The following NFIA variants were observed in gnomAD, a reference collection of about 807,000 sequenced individuals.
The protein encoded by NFIA is nuclear factor 1 A-type.
In NFIA, 8 loss-of-function variants were observed where a neutral mutation model predicts 62.8. The ratio of observed to expected loss-of-function variants is 0.13; its 90% confidence interval spans 0.07 to 0.23. The LOEUF (loss-of-function observed/expected upper bound fraction) is 0.23. NFIA is among the 10% of genes least tolerant of loss of function. The probability of loss-of-function intolerance (pLI) is 1.00; values close to 1 mark genes in which losing one functional copy is unlikely to be tolerated. For missense variants in NFIA, 410 were observed against 642.1 expected (o/e 0.64, Z 3.91); for synonymous variants, 235 against 238.1 (o/e 0.99, Z 0.12).
chr1:61,126,438 AC>A (rs1294421262), intron 2 of NFIA, among the ~76,000 whole-genome samples: 1 of 56,348 alleles, frequency 1.8e-5, no homozygotes, highest in Non-Finnish European at 3.4e-5. Context: ...TTGAAAATGA[AC>A]ACACACACAC....
intron 2 of NFIA, among the ~76,000 whole-genome samples, chr1:61,115,455 G>T (rs763186734): frequency 2.6e-5 from 4 of 152,210 alleles, no homozygotes; most frequent in Non-Finnish European, 5.9e-5. Context: ...GATTTACTTG[G>T]CCAGGGAGAG....
intron 7 of NFIA, among the ~76,000 whole-genome samples, chr1:61,394,423 T>G (rs4518936): frequency 0.082 from 12,498 of 152,248 alleles, 1,475 homozygotes; most frequent in African/African-American, 0.26. Context: ...TCTGCCTGCC[T>G]TAGCCTCCCA....
At chr1:61,083,725 C>G (rs1346246679) in intron 1 of NFIA, among the ~76,000 whole-genome samples, 3 of 151,394 alleles carry the variant, frequency 2.0e-5, no homozygotes, top group Non-Finnish European at 4.4e-5. Flanking sequence ...AGCCGGGAGC[C>G]GGAGCGGCGG....
intron 2 of NFIA, among the ~76,000 whole-genome samples, chr1:61,185,339 T>G (rs868618457): frequency 6.6e-6 from 1 of 152,204 alleles, no homozygotes; most frequent in Non-Finnish European, 1.5e-5. Flanking sequence ...TTTCTAGTTT[T>G]TATGTGGAAA....
chr1:61,198,924 C>G (rs1005026423), intron 2 of NFIA, among the ~76,000 whole-genome samples: 1 of 152,212 alleles, frequency 6.6e-6, no homozygotes, highest in Non-Finnish European at 1.5e-5. Context: ...GCTTGCCCCC[C>G]TCCTTCATCA....
chr1:61,424,351 C>T (rs1166099837), intron 9 of NFIA, among the ~76,000 whole-genome samples: 1 of 151,380 alleles, frequency 6.6e-6, no homozygotes, highest in Non-Finnish European at 1.5e-5. Context: ...ACCCCCCCCT[C>T]AACCCCCAGA....
intron 10 of NFIA, among the ~76,000 whole-genome samples, chr1:61,426,764 G>A (rs980382889): frequency 3.3e-5 from 5 of 152,124 alleles, no homozygotes; most frequent in Admixed American, 2.6e-4. Flanking sequence ...TGAGTGGGTA[G>A]AAGAAGAACT....
intron 3 of NFIA, among the ~76,000 whole-genome samples, chr1:61,292,934 C>T (rs920992303): frequency 6.6e-6 from 1 of 152,168 alleles, no homozygotes; most frequent in African/African-American, 2.4e-5. Context: ...TCGTGCAATG[C>T]TCTTTTCCAT....
intron 7 of NFIA, among the ~76,000 whole-genome samples, chr1:61,397,897 A>C (rs1665360053): frequency 6.6e-6 from 1 of 152,246 alleles, no homozygotes; most frequent in South Asian, 2.1e-4. Flanking sequence ...TGGTGAAGAC[A>C]GACAATCAAA....
chr1:61,371,914 G>A (rs1461475366), intron 6 of NFIA, among the ~76,000 whole-genome samples: 1 of 152,118 alleles, frequency 6.6e-6, no homozygotes, highest in Non-Finnish European at 1.5e-5. Context: ...TTCCTCACAA[G>A]TGCTGGATAA....
chr1:61,217,019 A>G (rs1285664477), intron 2 of NFIA, among the ~76,000 whole-genome samples: 1 of 151,676 alleles, frequency 6.6e-6, no homozygotes, highest in East Asian at 1.9e-4. Context: ...TAATTAATTA[A>G]TTAATAAAAA....
At chr1:61,089,701 T>TTTTTTTTTTC (rs1553149381) in intron 2 of NFIA, among the ~76,000 whole-genome samples, 4 of 149,942 alleles carry the variant, frequency 2.7e-5, no homozygotes, top group African/African-American at 9.9e-5. Context: ...TTTTCTTTTT[T>TTTTTTTTTTC]TTTTTTTTTT....
At chr1:61,240,311 C>G (rs1318259943) in intron 2 of NFIA, among the ~76,000 whole-genome samples, 1 of 151,982 alleles carries the variant, frequency 6.6e-6, no homozygotes, top group African/African-American at 2.4e-5. Context: ...AACTAGAATA[C>G]AAGTCAGGTA....
intron 1 of NFIA, among the ~76,000 whole-genome samples, chr1:61,083,909 C>T (rs1646170716): frequency 6.6e-6 from 1 of 152,098 alleles, no homozygotes; most frequent in Non-Finnish European, 1.5e-5. Context: ...CCTGTCCATT[C>T]CTCCCTTGTC....
chr1:61,334,425 A>G (rs1340771594), intron 4 of NFIA, among the ~76,000 whole-genome samples: 2 of 151,354 alleles, frequency 1.3e-5, no homozygotes, highest in South Asian at 2.1e-4. Context: ...GCATCTGTAT[A>G]TATCTTTTTT....
At chr1:61,160,945 C>T (rs139915958) in intron 2 of NFIA, among the ~76,000 whole-genome samples, 1 of 152,286 alleles carries the variant, frequency 6.6e-6, no homozygotes, top group East Asian at 1.9e-4. Flanking sequence ...GACAGAGCCT[C>T]ACTCTGTTGT....
intron 2 of NFIA, among the ~76,000 whole-genome samples, chr1:61,196,693 T>C (rs1652023161): frequency 2.0e-5 from 3 of 152,232 alleles, no homozygotes; most frequent in Admixed American, 2.0e-4. Context: ...GTGTAAATTC[T>C]AGTATCTGTA....
At chr1:61,313,511 C>T (rs1432092178) in intron 3 of NFIA, among the ~76,000 whole-genome samples, 1 of 152,160 alleles carries the variant, frequency 6.6e-6, no homozygotes, top group Non-Finnish European at 1.5e-5. Context: ...GGCACTGTTT[C>T]ATTCATGAGA....
intron 5 of NFIA, among the ~76,000 whole-genome samples, chr1:61,356,156 G>A (rs533903257): frequency 6.6e-6 from 1 of 152,276 alleles, no homozygotes; most frequent in Non-Finnish European, 1.5e-5. Flanking sequence ...TTCTAAGTCA[G>A]TAGCCCAATT....
Sources: gnomAD v4.1 joint callset for allele counts (sites outside exome capture counted in the v4.1 genomes callset) on GRCh38, gnomAD v4.1.1 for gene constraint, MANE v1.5 for transcripts, NCBI Gene and HGNC (gene_info 2026-07-23, HGNC 2026-07-21) for gene names.